Variants in LRATD1 observed in about 807,000 individuals in gnomAD.
The protein encoded by LRATD1 is protein LRATD1.
In LRATD1, 8 loss-of-function variants were observed where a neutral mutation model predicts 21.3. The ratio of observed to expected loss-of-function variants is 0.38; its 90% CI spans 0.22 to 0.68. The LOEUF (loss-of-function observed/expected upper bound fraction) is 0.68, where lower values mean the gene tolerates loss of function less well. Among genes scored for constraint, LRATD1 ranks in the 30% least tolerant of loss-of-function variants. The pLI, the probability that LRATD1 is intolerant of heterozygous loss-of-function variation, is 0.54. For missense variants in LRATD1, 380 were observed against 404.0 expected, an observed-to-expected ratio of 0.94 and a Z score of 0.51; for synonymous variants, 210 against 186.2, an observed-to-expected ratio of 1.13 and a Z score of -1.04.
chr2:14,644,101 A>ATT (rs61111627), downstream of LRATD1, among the ~76,000 whole-genome samples: 609 of 150,614 alleles, frequency 4.0e-3, 6 homozygotes, highest in East Asian at 0.011. Flanking sequence ...AAAGGCAAGC[A>ATT]TTTTTTTTTT....
downstream of LRATD1, among the ~76,000 whole-genome samples, chr2:14,640,515 CA>C (rs1467905177): frequency 1.3e-5 from 2 of 152,046 alleles, no homozygotes; most frequent in Non-Finnish European, 2.9e-5. Flanking sequence ...TTTAATGTTT[CA>C]AAAAATTGAA....
chr2:14,649,441 C>A (rs927977967), exon 5 of LRATD1: 3 of 447,216 alleles, frequency 6.7e-6, no homozygotes, highest in Admixed American at 4.8e-5. Flanking sequence ...CATATCCTCC[C>A]TCCTGTTGCC....
chr2:14,649,547 C>G, exon 6 of LRATD1: 1 of 358,960 alleles, frequency 2.8e-6, no homozygotes, highest in Non-Finnish European at 5.5e-6. Context: ...AGCCTATATC[C>G]AGCACGGGAG....
downstream of LRATD1, chr2:14,650,145 G>A (rs6728347): frequency 0.49 from 74,176 of 152,072 alleles, 21,049 homozygotes; most frequent in African/African-American, 0.8. Flanking sequence ...AGAGTTGTCT[G>A]AACCAGTTTC....
downstream of LRATD1, among the ~76,000 whole-genome samples, chr2:14,651,727 T>C (rs1483279183): frequency 1.3e-5 from 2 of 152,210 alleles, no homozygotes; most frequent in East Asian, 1.9e-4. Flanking sequence ...ATTTATCTGA[T>C]AGGGTTTTCA....
rs771110896 is a variant in LRATD1 at position 14,634,898 on chromosome 2, T to TCGCTCCCTTCCCTTCCCCGCACCC, written c.*41_*64dup. The TCGCTCCCTTCCCTTCCCCGCACCC allele has an allele frequency of 3.8e-6, 6 of 1,578,246 alleles. No individual in the cohort carries two copies. Among genetic ancestry groups the TCGCTCCCTTCCCTTCCCCGCACCC allele is most frequent in the Non-Finnish European group, 3.4e-6 (4 of 1,160,632 alleles). ...CCGGCCCCTCTGCCTCCCCCGCACCTCGCTCCCTTCCCTTCCCCGCACCCG... is the reference window on the plus strand; with the variant it reads ...CCGGCCCCTCTGCCTCCCCCGCACCTCGCTCCCTTCCCTTCCCCGCACCCCGCTCCCTTCCCTTCCCCGCACCCG... On this transcript the variant is annotated 3_prime_UTR_variant, in exon 2 of 2. Transcript: ENST00000295092.
downstream of LRATD1, among the ~76,000 whole-genome samples, chr2:14,642,765 A>T (rs1368620389): frequency 6.6e-6 from 1 of 152,124 alleles, no homozygotes; most frequent in South Asian, 2.1e-4. Context: ...CAGCTAGAAT[A>T]ATTTGAAATG....
chr2:14,637,371 T>C lies in LRATD1; in HGVS notation c.*2513T>C, dbSNP rs539676844. On this transcript the variant is annotated 3_prime_UTR_variant, in exon 2 of 2. Coordinates refer to ENST00000295092, the MANE Select transcript of LRATD1 (RefSeq NM_145175.4). Reference sequence around the variant, plus strand: ...GATGGTACATAGATTTCTCTCTCACTAAGAGGGTCACTCTCATAGAGGAAT... The same window carrying C: ...GATGGTACATAGATTTCTCTCTCACCAAGAGGGTCACTCTCATAGAGGAAT... The C allele has an allele frequency of 1.2e-5, 2 of 167,156 alleles. No homozygotes were observed. The highest frequency in any genetic ancestry group is 4.1e-4 in the South Asian group (2 of 4,828). 10.4% of individuals were successfully genotyped at this position (167,156 alleles called of 1,614,324 possible). A position where few individuals can be genotyped will look rare whatever the true frequency, so the allele number is the denominator to read the frequency against.
chr2:14,638,213 C>CAAAAAAAAAAAAAAAA lies in LRATD1; in HGVS notation c.*3361_*3376dup, dbSNP rs879025258. On this transcript the variant is annotated 3_prime_UTR_variant, in exon 2 of 2. Transcript: ENST00000295092. ...ATGCTGTTATTCTCAAAGTACATTC[C>CAAAAAAAAAAAAAAAA]AAAAAAAAAAAAAAAAAAAAACTAT... 1.2e-5 allele frequency: 1 copy of CAAAAAAAAAAAAAAAA among 85,002 alleles called. No individual in the cohort carries two copies. The highest frequency in any genetic ancestry group is 4.2e-5 in the African/African-American group (1 of 23,886). 5.3% of individuals were successfully genotyped at this position (85,002 alleles called of 1,614,324 possible).
rs1350225928 is a variant in LRATD1 at position 14,634,030 on chromosome 2, C to T, written c.51C>T (p.Pro17=). Residue 17 remains proline, a synonymous_variant, in exon 2 of 2, where the codon CCC becomes CCT. Transcript: ENST00000295092. ...RITHLNYSEL[P]TGDPSGIEKD... is the part of the protein sequence containing the mutation. ...CCCACCTCAACTACAGCGAGTTGCC[C>T]ACAGGGGACCCGTCGGGGATTGAAA... 6.2e-7 allele frequency: 1 copy of T among 1,614,092 alleles called. No individual in the cohort carries two copies. Among genetic ancestry groups the T allele is most frequent in the Non-Finnish European group, 8.5e-7 (1 of 1,180,026 alleles).
At chr2:14,644,371 A>G (rs1266164493), downstream of LRATD1, among the ~76,000 whole-genome samples, 1 of 152,154 alleles carries the variant, frequency 6.6e-6, no homozygotes, top group Non-Finnish European at 1.5e-5. Flanking sequence ...ATTTTTTATT[A>G]TTAGGTAGAA....
rs1189949953 is a variant in LRATD1, at chr2:14,635,354, A to T, written c.*496A>T. The T allele has an allele frequency of 2.1e-6, 1 of 475,362 alleles. No homozygotes were observed. Among genetic ancestry groups the T allele is most frequent in the Non-Finnish European group, 4.3e-6 (1 of 230,232 alleles). 29.4% of individuals were successfully genotyped at this position (475,362 alleles called of 1,614,324 possible). A position where few individuals can be genotyped will look rare whatever the true frequency, so the allele number is the denominator to read the frequency against. ...CTCTGTGGATGCGTCCCCAGATCGC[A>T]GGATTTCCAAGAAATCGAGCCTGTC... On this transcript the variant is annotated 3_prime_UTR_variant, in exon 2 of 2. Transcript: ENST00000295092.
Position 14,633,656 on chromosome 2 carries a change from A to C in LRATD1, c.-36-288A>C, listed in dbSNP as rs924313736. ...AGCCAGCACTCTCCTCCCCACCGGG[A>C]CCCCGCAAGCTCTCCAGCCAGCCTG... On this transcript the variant is annotated intron_variant, in intron 1 of 1. Coordinates refer to ENST00000295092, the MANE Select transcript of LRATD1 (RefSeq NM_145175.4). This position sits in a 1 kb window ranked among gnomAD's most constrained non-coding sequence, Gnocchi z 7.5. 3.0e-6 allele frequency: 1 copy of C among 336,934 alleles called. No homozygotes were observed. Among genetic ancestry groups the C allele is most frequent in the Non-Finnish European group, 5.5e-6 (1 of 181,776 alleles). 20.9% of individuals were successfully genotyped at this position (336,934 alleles called of 1,614,324 possible). A position where few individuals can be genotyped will look rare whatever the true frequency, so the allele number is the denominator to read the frequency against.
At chr2:14,646,115 T>C (rs1402946893) in exon 3 of LRATD1, 1 of 152,062 alleles carries the variant, frequency 6.6e-6, no homozygotes, top group Admixed American at 6.6e-5. Flanking sequence ...ACAAAACCCA[T>C]TTAATGTTTT....
intron 4 of LRATD1, chr2:14,649,262 C>A (rs1213105840): frequency 2.2e-5 from 10 of 456,372 alleles, no homozygotes; most frequent in Non-Finnish European, 3.5e-5. Context: ...AAATATATGA[C>A]TTCATTGGCA....
Position 14,634,185 on chromosome 2 carries a change from G to GCCGCCA in LRATD1, c.209_214dup (p.Arg70_His71dup), listed in dbSNP as rs1671623576. ...TGCACCCCCTGCCCGGAGAGCCCCAGCCGCCACCACCACCACCTGCTGCAC... is the reference window on the plus strand; with the variant it reads ...TGCACCCCCTGCCCGGAGAGCCCCAGCCGCCACCGCCACCACCACCACCTGCTGCAC... On this transcript the variant is annotated inframe_insertion, in exon 2 of 2. Transcript: ENST00000295092. The GCCGCCA allele has an allele frequency of 7.4e-6, 12 of 1,613,218 alleles. No homozygotes were observed. The highest frequency in any genetic ancestry group is 1.0e-5 in the Non-Finnish European group (12 of 1,179,840).
chr2:14,634,947 A>G lies in LRATD1; in HGVS notation c.*89A>G. 2 of 1,444,406 alleles carry G rather than the reference A, an allele frequency of 1.4e-6. No homozygotes were observed. The highest frequency in any genetic ancestry group is 1.4e-5 in the South Asian group (1 of 73,852). The allele number at this position is 1,444,406 out of a possible 1,614,324, so 89.5% of individuals were successfully genotyped here. On this transcript the variant is annotated 3_prime_UTR_variant, in exon 2 of 2. Transcript: ENST00000295092. ...CGGACTTCGCAGTCAGCGGTTCTCA[A>G]CCTCTGCCCCGCCCCGCCACGCGCG...
Position 14,637,740 on chromosome 2 carries a change from A to G in LRATD1, c.*2882A>G. 1 of 167,228 alleles carries G rather than the reference A, an allele frequency of 6.0e-6. No individual in the cohort carries two copies. 10.4% of individuals were successfully genotyped at this position (167,228 alleles called of 1,614,324 possible). A position where few individuals can be genotyped will look rare whatever the true frequency, so the allele number is the denominator to read the frequency against. ...GTATACTTTTAGGGCACTGTTAACA[A>G]TGCGAGTGAAACCAAGATGGTGCAA... On this transcript the variant is annotated 3_prime_UTR_variant, in exon 2 of 2. Coordinates refer to ENST00000295092, the MANE Select transcript of LRATD1 (RefSeq NM_145175.4).
At chr2:14,649,472 C>T in intron 5 of LRATD1, 1 of 427,180 alleles carries the variant, frequency 2.3e-6, no homozygotes, top group South Asian at 1.7e-5. Flanking sequence ...AGAAGCAATT[C>T]CTCTGCCTAG....
Sources: gnomAD v4.1 joint callset for allele counts (sites outside exome capture counted in the v4.1 genomes callset) on GRCh38, gnomAD v4.1.1 for gene constraint, Gnocchi (gnomAD v3.1) non-coding constraint, MANE v1.5 for transcripts, NCBI Gene and HGNC (gene_info 2026-07-23, HGNC 2026-07-21) for gene names.